The following ABCA2 variants were observed in gnomAD, a reference collection of about 807,000 sequenced individuals.
ABCA2 encodes the protein ATP-binding cassette sub-family A member 2.
A neutral mutation model predicts 262.8 loss-of-function variants in ABCA2; 84 were observed. The observed-to-expected ratio is 0.32, with a 90% CI of 0.27 to 0.38. The LOEUF is 0.38. Among genes scored for constraint, ABCA2 ranks in the 10% least tolerant of loss-of-function variants. The pLI, the probability that ABCA2 is intolerant of heterozygous loss-of-function variation, is 1.00. For synonymous variants in ABCA2, 1,696 were observed against 1,502.9 expected (o/e 1.13, Z -2.97); for missense variants, 2,662 against 3,405.9 (o/e 0.78, Z 5.44).
rs1419321322 is a variant in ABCA2 at position 137,009,310 on chromosome 9, G to A, written c.6827+60C>T. ...TGCAGCCACCCCCACTCCTGGCCCCGCTGCCTGGCCGCCCCCCCCGGGCCC... is the reference window on the plus strand; with the variant it reads ...TGCAGCCACCCCCACTCCTGGCCCCACTGCCTGGCCGCCCCCCCCGGGCCC... On this transcript the variant is annotated intron_variant, in intron 45 of 48. Transcript: ENST00000341511. 17 of 1,181,244 alleles carry A rather than the reference G, an allele frequency of 1.4e-5. No individual in the cohort carries two copies. The Admixed American group carries it at 1.8e-4, about 12-fold the overall frequency. 73.2% of individuals were successfully genotyped at this position (1,181,244 alleles called of 1,614,324 possible).
rs749868201 is a variant in ABCA2, at chr9:137,017,061, C to T, written c.2617G>A (p.Gly873Ser). Residue 873 changes from glycine (G) to serine (S), a missense_variant, in exon 19 of 49, where the codon GGC (glycine) becomes AGC (serine). This residue lies in a region of ABCA2 where 188 missense variants were observed against 343.4 expected (regional missense o/e 0.55). Transcript: ENST00000341511. The part of the protein sequence containing the change: ...SKYFALYEVA[G>S]VGIQWHTFSQ... ...AAGGTGTGCCACTGGATGCCCACGC[C>T]GGCCACCTCATACAGCGCGAAGTAC... 1.7e-5 allele frequency: 28 copies of T among 1,612,652 alleles called. No homozygotes were observed. The highest frequency in any genetic ancestry group is 4.0e-5 in the African/African-American group (3 of 74,928).
In ABCA2 at chr9:137,012,506, G is replaced by C. The variant is rs200702540; in HGVS notation, c.5166C>G (p.Ile1722Met). ...GTRAPPMVRK[I>M]AVRRAAQVFY... The stretch of plus-strand genomic sequence containing the variant: ...TCACCTGGGCAGCCCTGCGCACCGC[G>C]ATCTTCCGCACCATGGGTGGGGCCC... Residue 1722 changes from isoleucine to methionine, a missense_variant, in exon 32 of 49, where the codon ATC becomes ATG. By Grantham distance (10) the Ile-to-Met change is conservative. Coordinates refer to ENST00000341511, the MANE Select transcript of ABCA2 (RefSeq NM_001606.5). 6.8e-5 allele frequency: 110 copies of C among 1,611,666 alleles called. No individual in the cohort carries two copies. The East Asian group carries it at 2.4e-3, about 35-fold the overall frequency.
chr9:137,011,111 G>A lies in ABCA2; in HGVS notation c.5924-6C>T. 6.2e-7 allele frequency: 1 copy of A among 1,612,236 alleles called. No homozygotes were observed. Among genetic ancestry groups the A allele is most frequent in the Non-Finnish European group, 8.5e-7 (1 of 1,179,748 alleles). On this transcript the variant is annotated splice_region_variant and splice_polypyrimidine_tract_variant and intron_variant, in intron 38 of 48. Transcript: ENST00000341511. The surrounding 1 kb of genome is among the most constrained non-coding windows in gnomAD (Gnocchi z 8.8). Reference sequence around the variant, plus strand: ...CTTCATCTTGTCAAACTGGCCTGCGGGGAGACAGCTCAGGGCCTGTGCTCT... The same window carrying A: ...CTTCATCTTGTCAAACTGGCCTGCGAGGAGACAGCTCAGGGCCTGTGCTCT...
Position 137,012,062 on chromosome 9 carries a change from G to A in ABCA2, c.5360+40C>T, listed in dbSNP as rs754434172. 3.2e-5 allele frequency: 51 copies of A among 1,612,190 alleles called. No individual in the cohort carries two copies. The Middle Eastern group carries it at 4.9e-4, about 16-fold the overall frequency. Reference sequence around the variant, plus strand: ...CAGTCCTCACGGCCGGGGCTGCAGTGCCCACCTGCCCCACCTCATCCCCCA... The same window carrying A: ...CAGTCCTCACGGCCGGGGCTGCAGTACCCACCTGCCCCACCTCATCCCCCA... On this transcript the variant is annotated intron_variant, in intron 34 of 48. Coordinates refer to ENST00000341511, the MANE Select transcript of ABCA2 (RefSeq NM_001606.5).
Position 137,013,708 on chromosome 9 carries a change from C to A in ABCA2, c.4447+124G>T, listed in dbSNP as rs565817444. 183 of 1,345,684 alleles carry A rather than the reference C, an allele frequency of 1.4e-4. 1 individual carries two copies. The African/African-American group carries it at 2.3e-3, about 17-fold the overall frequency. 83.4% of individuals were successfully genotyped at this position (1,345,684 alleles called of 1,614,324 possible). A position where few individuals can be genotyped will look rare whatever the true frequency, so the allele number is the denominator to read the frequency against. On this transcript the variant is annotated intron_variant, in intron 28 of 48. Coordinates refer to ENST00000341511, the MANE Select transcript of ABCA2 (RefSeq NM_001606.5). ...CAGGACTCCCGGATGAACCCCGGTG[C>A]GTGCCCAGCCTCAGGTGTGGGGTGA...
chr9:137,014,869 C>T (rs1588514649), intron 25 of ABCA2, 44 bp downstream of exon 25: 1 of 1,575,986 alleles, frequency 6.3e-7, no homozygotes. Flanking sequence ...AGTGCGCCCA[C>T]CTCCACCACC....
In ABCA2 at chr9:137,012,290, C is replaced by G; in HGVS notation, c.5274G>C (p.Lys1758Asn). The G allele has an allele frequency of 6.3e-7, 1 of 1,582,064 alleles. No homozygotes were observed. The highest frequency in any genetic ancestry group is 8.6e-7 in the Non-Finnish European group (1 of 1,161,734). ...NNAILRANLP[K>N]SKGNPAAYGI... ...CGTAAGCCGCCGGGTTGCCCTTGCT[C>G]TTGGGCAGGTTGGCACGCAGGATGG... The change falls in exon 33 of 49, where the codon AAG becomes AAC. Residue 1758 changes from lysine to asparagine, a missense_variant. Coordinates refer to ENST00000341511, the MANE Select transcript of ABCA2 (RefSeq NM_001606.5).
upstream of ABCA2, chr9:137,028,706 G>A: frequency 3.2e-6 from 4 of 1,244,530 alleles, no homozygotes; most frequent in Non-Finnish European, 4.1e-6. The surrounding 1 kb of genome is among the most constrained non-coding windows in gnomAD (Gnocchi z 6.9). Context: ...TGGAGTCCAG[G>A]TGGTGCCCAC....
chr9:137,020,784 G>A lies in ABCA2; in HGVS notation c.1175C>T (p.Ala392Val). ...TAEEGAPSAA[A>V]LATPDTLQGQ... Reference sequence around the variant, plus strand: ...CTGCAGCGTGTCCGGGGTGGCCAGTGCTGCAGCAGAGGGTGCGCCCTCCTC... The same window carrying A: ...CTGCAGCGTGTCCGGGGTGGCCAGTACTGCAGCAGAGGGTGCGCCCTCCTC... Residue 392 changes from alanine to valine, a missense_variant, in exon 9 of 49, where the codon GCA becomes GTA. Ala to Val is a moderately conservative substitution (Grantham distance 64). This residue lies in a region of ABCA2 where 403 missense variants were observed against 375.9 expected (regional missense o/e 1.07). Transcript: ENST00000341511. 6.3e-7 allele frequency: 1 copy of A among 1,592,454 alleles called. No homozygotes were observed. Among genetic ancestry groups the A allele is most frequent in the Non-Finnish European group, 8.5e-7 (1 of 1,171,514 alleles).
intron 10 of ABCA2, 171 bp downstream of exon 10, chr9:137,020,165 G>C: frequency 1.3e-6 from 1 of 778,026 alleles, no homozygotes; most frequent in Middle Eastern, 3.9e-4. Flanking sequence ...GCTCCCGAAA[G>C]GAAAAGCGAC....
At chr9:137,008,117 G>T in intron 48 of ABCA2, 153 bp from the exon 49 acceptor site, 1 of 987,174 alleles carries the variant, frequency 1.0e-6, no homozygotes, top group Non-Finnish European at 1.5e-6. Context: ...GCTCTCCCGG[G>T]CCTCCGTCTG....
chr9:137,024,374 G>C, intron 1 of ABCA2, 138 bp from the exon 2 acceptor site: 1 of 666,592 alleles, frequency 1.5e-6, no homozygotes, highest in South Asian at 2.3e-5. Flanking sequence ...AGGCCCTTCG[G>C]AACCACTGAA....
In ABCA2 at chr9:137,013,445, C is replaced by T; in HGVS notation, c.4550+16G>A. 2 of 1,593,908 alleles carry T rather than the reference C, an allele frequency of 1.3e-6. No individual in the cohort carries two copies. Among genetic ancestry groups the T allele is most frequent in the African/African-American group, 2.7e-5 (2 of 74,960 alleles). On this transcript the variant is annotated intron_variant, in intron 29 of 48. Transcript: ENST00000341511. Reference sequence around the variant, plus strand: ...CTCGCCCCACCCACCAAGGCTGCCCCCGCTGGAGGCCTCACCGGTACTCGC... The same window carrying T: ...CTCGCCCCACCCACCAAGGCTGCCCTCGCTGGAGGCCTCACCGGTACTCGC...
chr9:137,010,721 T>G lies in ABCA2; in HGVS notation c.6073A>C (p.Thr2025Pro). ...TCCACATCATCCTCCACAGGCTTGG[T>G]AGACACAGGCATGCGCCTTGGGGGA... is the stretch of plus-strand genomic sequence containing the variant. Reference protein sequence around the residue: ...LRRPQRMPVSTKPVEDDVDVA... With the variant: ...LRRPQRMPVSPKPVEDDVDVA... The change falls in exon 40 of 49, where the codon ACC becomes CCC. Residue 2025 changes from threonine (T) to proline (P), a missense_variant. Coordinates refer to ENST00000341511, the MANE Select transcript of ABCA2 (RefSeq NM_001606.5). The G allele has an allele frequency of 6.2e-7, 1 of 1,612,404 alleles. No homozygotes were observed. Among genetic ancestry groups the G allele is most frequent in the Non-Finnish European group, 8.5e-7 (1 of 1,179,798 alleles).
chr9:137,028,617 CG>C, upstream of ABCA2: 1 of 1,078,418 alleles, frequency 9.3e-7, no homozygotes, highest in Non-Finnish European at 1.2e-6. The surrounding 1 kb of genome is among the most constrained non-coding windows in gnomAD (Gnocchi z 6.9). Context: ...TCACTGTCCC[CG>C]GGGCGCGCCG....
At chr9:137,028,545 T>C (rs1263208673), upstream of ABCA2, among the ~76,000 whole-genome samples, 2 of 151,818 alleles carry the variant, frequency 1.3e-5, no homozygotes, top group African/African-American at 4.8e-5. The surrounding 1 kb of genome is among the most constrained non-coding windows in gnomAD (Gnocchi z 6.9). Flanking sequence ...GCTGCGCTCT[T>C]CTCCCAGAGG....
chr9:137,014,297 C>T lies in ABCA2; in HGVS notation c.4111G>A (p.Ala1371Thr), dbSNP rs1335090536. ...ARCSELTQSQ[A>T]SLQSASSVGS... is the part of the protein sequence containing the mutation. ...ACAGATGACGCCGACTGCAGCGATG[C>T]CTGCGACTGGGTCAGCTCCGAGCAC... is the stretch of plus-strand genomic sequence containing the variant. The change falls in exon 27 of 49, where the codon GCA becomes ACA. Residue 1371 changes from alanine (A) to threonine (T), a missense_variant. By Grantham distance (58) the Ala-to-Thr change is moderately conservative. Around this residue, in one of 12 missense-constraint regions of ABCA2, gnomAD observed 297 missense variants for 286.5 expected, o/e 1.04. Coordinates refer to ENST00000341511, the MANE Select transcript of ABCA2 (RefSeq NM_001606.5). 12 of 1,611,078 alleles carry T rather than the reference C, an allele frequency of 7.4e-6. No homozygotes were observed. The highest frequency in any genetic ancestry group is 1.1e-5 in the South Asian group (1 of 90,732).
chr9:137,008,329 C>T (rs760270840), intron 48 of ABCA2, 87 bp downstream of exon 48: 136 of 1,457,806 alleles, frequency 9.3e-5, no homozygotes, highest in Non-Finnish European at 1.2e-4. Flanking sequence ...GGCCAGTTCT[C>T]CCCCGACCCC....
intron 39 of ABCA2, 34 bp from the exon 40 acceptor site, chr9:137,010,771 C>G: frequency 6.3e-7 from 1 of 1,589,398 alleles, no homozygotes. Flanking sequence ...TCCAGCAGCT[C>G]GCCACCCCCA....
Sources: gnomAD v4.1 joint callset for allele counts (sites outside exome capture counted in the v4.1 genomes callset) on GRCh38, gnomAD v4.1.1 for gene constraint, gnomAD v4.1.1 regional missense constraint, Gnocchi (gnomAD v3.1) non-coding constraint, MANE v1.5 for transcripts, NCBI Gene and HGNC (gene_info 2026-07-23, HGNC 2026-07-21) for gene names.